The following MICU1 variants were observed in gnomAD, a reference collection of about 807,000 sequenced individuals.
The protein encoded by MICU1 is calcium uptake protein 1, mitochondrial.
A neutral mutation model predicts 56.8 loss-of-function variants in MICU1; 45 were observed. The ratio of observed to expected loss-of-function variants is 0.79; its 90% confidence interval spans 0.62 to 1.02. MICU1 has a LOEUF of 1.02. Among genes scored for constraint, MICU1 ranks in the 50% least tolerant of loss-of-function variants. MICU1 has a pLI of 0.00. For missense variants in MICU1, 504 were observed against 587.1 expected (o/e 0.86, Z 1.46); for synonymous variants, 186 against 195.1 (o/e 0.95, Z 0.39).
chr10:72,475,038 A>G, intron 8 of MICU1, 62 bp downstream of exon 8: 1 of 1,430,330 alleles, frequency 7.0e-7, no homozygotes, highest in South Asian at 1.3e-5. Flanking sequence ...TGCCTATAGT[A>G]CAGGCCCTCC....
At chr10:72,586,310 C>T (rs570220173) in intron 1 of MICU1, among the ~76,000 whole-genome samples, 85 of 152,088 alleles carry the variant, frequency 5.6e-4, no homozygotes, top group African/African-American at 2.0e-3. Context: ...CCATGCCCAG[C>T]ATCAAATATT....
At chr10:72,477,469 C>G (rs1391876270) in intron 6 of MICU1, 2 of 1,514,526 alleles carry the variant, frequency 1.3e-6, no homozygotes, top group African/African-American at 2.8e-5. Context: ...AGTACTACGG[C>G]CAGTAAAGAC....
chr10:72,509,314 T>C (rs1479397877), intron 5 of MICU1: 93 of 1,150,810 alleles, frequency 8.1e-5, no homozygotes, highest in Non-Finnish European at 1.0e-4. Flanking sequence ...ATTGCAGGCA[T>C]AACTTCAAGA....
chr10:72,520,183 G>A (rs1018856272), intron 5 of MICU1, among the ~76,000 whole-genome samples: 2 of 151,966 alleles, frequency 1.3e-5, no homozygotes, highest in African/African-American at 2.4e-5. Flanking sequence ...CAAGGTATGC[G>A]GTGGGGTGTT....
chr10:72,526,194 A>T (rs1027871074), intron 5 of MICU1, among the ~76,000 whole-genome samples: 1 of 152,258 alleles, frequency 6.6e-6, no homozygotes, highest in African/African-American at 2.4e-5. Flanking sequence ...ATGGGAAAGA[A>T]GGAAGATGGC....
At chr10:72,615,879 C>A (rs578147115) in intron 1 of MICU1, among the ~76,000 whole-genome samples, 1 of 152,244 alleles carries the variant, frequency 6.6e-6, no homozygotes, top group South Asian at 2.1e-4. Context: ...GTCCCAGCTA[C>A]TTGGAAGGCT....
chr10:72,429,437 A>AG (rs1453649371), intron 8 of MICU1, among the ~76,000 whole-genome samples: 6 of 151,348 alleles, frequency 4.0e-5, no homozygotes, highest in African/African-American at 1.5e-4. Context: ...AAAAAAAAAG[A>AG]AAAAAAATTC....
At chr10:72,395,910 T>C (rs1371068765) in intron 10 of MICU1, among the ~76,000 whole-genome samples, 1 of 152,176 alleles carries the variant, frequency 6.6e-6, no homozygotes, top group Non-Finnish European at 1.5e-5. Context: ...GTCTGACAGC[T>C]CTGAAGAGAG....
intron 9 of MICU1, among the ~76,000 whole-genome samples, chr10:72,421,847 A>G (rs1309393223): frequency 6.6e-6 from 1 of 152,206 alleles, no homozygotes; most frequent in Non-Finnish European, 1.5e-5. Context: ...ATGGCGTTCC[A>G]TTGCACTGTG....
chr10:72,598,261 C>CTT (rs879664359), intron 1 of MICU1, among the ~76,000 whole-genome samples: 1 of 146,448 alleles, frequency 6.8e-6, no homozygotes, highest in East Asian at 2.0e-4. Flanking sequence ...AAAATATATT[C>CTT]TTTTTTTTTT....
intron 4 of MICU1, among the ~76,000 whole-genome samples, chr10:72,535,003 A>ATATTTTATTTTATTTTATTTTATT (rs1564923265): frequency 2.0e-4 from 9 of 45,918 alleles, no homozygotes; most frequent in African/African-American, 6.8e-4. Flanking sequence ...ATCTCCCTCT[A>ATATTTTATTTTATTTTATTTTATT]TTTTTTATTT....
chr10:72,434,256 C>A (rs1026021660), intron 8 of MICU1, among the ~76,000 whole-genome samples: 8 of 152,016 alleles, frequency 5.3e-5, no homozygotes, highest in Admixed American at 4.6e-4. Flanking sequence ...TTATTATGTA[C>A]CAGAGCCTAT....
At chr10:72,586,813 T>TC (rs1841075529) in intron 1 of MICU1, among the ~76,000 whole-genome samples, 1 of 152,260 alleles carries the variant, frequency 6.6e-6, no homozygotes, top group Non-Finnish European at 1.5e-5. Context: ...GAAATTTGTG[T>TC]GTTTTAAAGA....
rs183184707 is a variant in MICU1, at chr10:72,578,386, T to G, written c.-1-11592A>C. Among the ~76,000 whole-genome samples the G allele has an allele frequency of 1.6e-4, 24 of 150,784 alleles. No homozygotes were observed. In the East Asian group the frequency reaches 4.7e-3, roughly 29 times the overall value. The stretch of plus-strand genomic sequence containing the variant: ...GATTCTGCTGCCTCAGCCTCCAGAG[T>G]AGCAGGGATTACAGGCATGTGCCAC... On this transcript the variant is annotated intron_variant, in intron 1 of 11. Transcript: ENST00000361114.
At chr10:72,507,971 CCT>C (rs1281265769) in intron 6 of MICU1, among the ~76,000 whole-genome samples, 182 bp downstream of exon 6, 1 of 152,000 alleles carries the variant, frequency 6.6e-6, no homozygotes, top group Non-Finnish European at 1.5e-5. Context: ...CTTCTTTCTG[CCT>C]CTCTCAGGTG....
At chr10:72,521,014 A>C (rs974353329) in intron 5 of MICU1, among the ~76,000 whole-genome samples, 1 of 152,108 alleles carries the variant, frequency 6.6e-6, no homozygotes, top group Admixed American at 6.6e-5. Context: ...TTGGCCACTC[A>C]AATGGATCAA....
At chr10:72,572,908 T>A (rs1350374741) in intron 1 of MICU1, among the ~76,000 whole-genome samples, 1 of 152,156 alleles carries the variant, frequency 6.6e-6, no homozygotes, top group Non-Finnish European at 1.5e-5. Flanking sequence ...AAATTACTCA[T>A]ATAATCTGCA....
chr10:72,577,406 G>A (rs896927934), intron 1 of MICU1, among the ~76,000 whole-genome samples: 1 of 152,050 alleles, frequency 6.6e-6, no homozygotes, highest in African/African-American at 2.4e-5. Context: ...CTACTCGGAA[G>A]GCTGAGGCAG....
At chr10:72,381,995 CACACACACACAT>C (rs1862722101) in intron 10 of MICU1, among the ~76,000 whole-genome samples, 1 of 147,728 alleles carries the variant, frequency 6.8e-6, no homozygotes, top group African/African-American at 2.6e-5. Context: ...CACACACACA[CACACACACACAT>C]TAAGATGGAG....
Sources: gnomAD v4.1 joint callset for allele counts (sites outside exome capture counted in the v4.1 genomes callset) on GRCh38, gnomAD v4.1.1 for gene constraint, MANE v1.5 for transcripts, NCBI Gene and HGNC (gene_info 2026-07-23, HGNC 2026-07-21) for gene names.